The following MCTP1 variants were observed in gnomAD, a reference collection of about 807,000 sequenced individuals.
The protein encoded by MCTP1 is multiple C2 and transmembrane domain containing 1.
In MCTP1, 69 loss-of-function variants were observed where a neutral mutation model predicts 120.6. The ratio of observed to expected loss-of-function variants is 0.57; its 90% CI spans 0.47 to 0.70. The LOEUF is 0.70. MCTP1 is among the 30% of genes least tolerant of loss of function. The pLI is 0.00. For missense variants in MCTP1, 1,203 were observed against 1,248.8 expected (o/e 0.96, Z 0.55); for synonymous variants, 529 against 493.1 (o/e 1.07, Z -0.96).
intron 19 of MCTP1, among the ~76,000 whole-genome samples, chr5:94,733,869 CAGG>C (rs1763621222): frequency 6.6e-6 from 1 of 150,966 alleles, no homozygotes; most frequent in South Asian, 2.1e-4. Context: ...GAGGCTGAGG[CAGG>C]AGAATTGCTT....
intron 18 of MCTP1, among the ~76,000 whole-genome samples, chr5:94,796,594 CACATATATATA>C (rs1174235638): frequency 4.7e-5 from 6 of 128,062 alleles, no homozygotes; most frequent in African/African-American, 1.7e-4. Context: ...CACACACACA[CACATATATATA>C]ATATATATAA....
At chr5:95,097,563 G>A (rs1756366139) in intron 1 of MCTP1, among the ~76,000 whole-genome samples, 1 of 151,532 alleles carries the variant, frequency 6.6e-6, no homozygotes, top group African/African-American at 2.4e-5. Flanking sequence ...CACCTTCAAT[G>A]CACTGCAAGA....
chr5:94,959,959 C>T (rs946855415), intron 2 of MCTP1, among the ~76,000 whole-genome samples: 3 of 151,788 alleles, frequency 2.0e-5, no homozygotes, highest in Non-Finnish European at 4.4e-5. Flanking sequence ...CCTGTGTAGC[C>T]AAGACAATCC....
intron 3 of MCTP1, among the ~76,000 whole-genome samples, chr5:94,950,727 G>A (rs1399087700): frequency 2.0e-5 from 3 of 151,968 alleles, no homozygotes; most frequent in Admixed American, 6.6e-5. Flanking sequence ...GCCGAGGAGG[G>A]CAGATCACGA....
At chr5:95,042,393 T>G (rs1273208619) in intron 1 of MCTP1, among the ~76,000 whole-genome samples, 1 of 152,156 alleles carries the variant, frequency 6.6e-6, no homozygotes, top group Non-Finnish European at 1.5e-5. Context: ...CAGCGGAAGA[T>G]GCAGAAAGTT....
At chr5:95,198,017 T>C (rs1357501493) in intron 1 of MCTP1, among the ~76,000 whole-genome samples, 2 of 152,142 alleles carry the variant, frequency 1.3e-5, no homozygotes, top group East Asian at 3.9e-4. Flanking sequence ...ACGTGTTTAG[T>C]ACAGACACAA....
chr5:94,873,129 G>A lies in MCTP1; in HGVS notation c.2036+10C>T. The A allele has an allele frequency of 6.9e-7, 1 of 1,457,282 alleles. No individual in the cohort carries two copies. The highest frequency in any genetic ancestry group is 9.6e-7 in the Non-Finnish European group (1 of 1,040,012). The allele number at this position is 1,457,282 out of a possible 1,614,324, so 90.3% of individuals were successfully genotyped here. A position where few individuals can be genotyped will look rare whatever the true frequency, so the allele number is the denominator to read the frequency against. On this transcript the variant is annotated intron_variant, in intron 13 of 22. Coordinates refer to ENST00000515393, the MANE Select transcript of MCTP1 (RefSeq NM_024717.7). ...TTTTGGATTCAGAGCCCAAAGAAAT[G>A]CCTACTTACAACGTGAAGACTTTAT... is the stretch of plus-strand genomic sequence containing the variant.
chr5:94,910,922 G>A (rs1334157770), intron 9 of MCTP1, among the ~76,000 whole-genome samples: 13 of 151,978 alleles, frequency 8.6e-5, no homozygotes, highest in Admixed American at 8.5e-4. Context: ...GTATTTTGGG[G>A]TGTGGTCTGT....
intron 17 of MCTP1, among the ~76,000 whole-genome samples, chr5:94,845,813 A>C (rs1431209099): frequency 6.6e-6 from 1 of 152,136 alleles, no homozygotes; most frequent in East Asian, 1.9e-4. Flanking sequence ...TGGCCTTCCA[A>C]AGTGCTGGCA....
chr5:94,717,114 T>G lies in MCTP1; in HGVS notation c.2611-2228A>C, dbSNP rs375814708. Among the ~76,000 whole-genome samples, 56 of 152,192 alleles carry G rather than the reference T, an allele frequency of 3.7e-4. 2 individuals are homozygous for G. Among genetic ancestry groups the G allele is most frequent in the Admixed American group, 3.7e-3 (56 of 15,270 alleles). On this transcript the variant is annotated intron_variant, in intron 19 of 22. Coordinates refer to ENST00000515393, the MANE Select transcript of MCTP1 (RefSeq NM_024717.7). ...TAGATAGCCAAAATCTATCTTAATATGTGCCTCAAATAGCCCCAAATACAT... is the reference window on the plus strand; with the variant it reads ...TAGATAGCCAAAATCTATCTTAATAGGTGCCTCAAATAGCCCCAAATACAT...
chr5:94,938,994 AATT>A (rs1816886784), intron 5 of MCTP1, among the ~76,000 whole-genome samples: 1 of 152,124 alleles, frequency 6.6e-6, no homozygotes, highest in Admixed American at 6.6e-5. Flanking sequence ...ATTATCTGGC[AATT>A]CTTATTTAAA....
chr5:94,827,401 AT>A (rs1449474844), intron 17 of MCTP1, among the ~76,000 whole-genome samples: 1 of 151,778 alleles, frequency 6.6e-6, no homozygotes, highest in East Asian at 1.9e-4. Flanking sequence ...TGCCCTTAAC[AT>A]TTTTTCCTTC....
Position 94,917,970 on chromosome 5 carries a change from A to T in MCTP1, c.1276T>A (p.Cys426Ser). 6.2e-7 allele frequency: 1 copy of T among 1,613,748 alleles called. No homozygotes were observed. The highest frequency in any genetic ancestry group is 1.3e-5 in the African/African-American group (1 of 75,050). ...AGGACAGGAAGAGCTGGCCTGCCGC[A>T]CGTCTGGATGGAAATGAATGATCAG... is the stretch of plus-strand genomic sequence containing the variant. ...FSVKSLFWRT[C>S]GRPALPVLGF... Residue 426 changes from cysteine (C) to serine (S), a missense_variant, in exon 8 of 23, where the codon TGC (cysteine) becomes AGC (serine). Cys to Ser is a moderately radical substitution (Grantham distance 112). This residue lies in a region of MCTP1 where 740 missense variants were observed against 871.1 expected (regional missense o/e 0.85). Transcript: ENST00000515393.
intron 5 of MCTP1, among the ~76,000 whole-genome samples, chr5:94,933,943 C>A (rs980498427): frequency 6.6e-6 from 1 of 151,756 alleles, no homozygotes; most frequent in Non-Finnish European, 1.5e-5. Context: ...TCAGTGATTA[C>A]CCTAAGTATA....
chr5:95,111,121 A>G (rs1757417537), intron 1 of MCTP1, among the ~76,000 whole-genome samples: 1 of 152,226 alleles, frequency 6.6e-6, no homozygotes, highest in African/African-American at 2.4e-5. Flanking sequence ...GTTCTGACTA[A>G]CAATAAAGTT....
Position 94,752,631 on chromosome 5 carries a change from T to TA in MCTP1, c.2610+26478dup, listed in dbSNP as rs201463153. On this transcript the variant is annotated intron_variant, in intron 19 of 22. Transcript: ENST00000515393. Reference sequence around the variant, plus strand: ...TATTTTGAAAACTAGGATGTTTTTTTAAAAAAATCTACTCAAACTTACCTG... The same window carrying TA: ...TATTTTGAAAACTAGGATGTTTTTTTAAAAAAAATCTACTCAAACTTACCTG... 8.1e-3 allele frequency among the ~76,000 whole-genome samples: 1,229 copies of TA among 152,200 alleles called. 15 individuals are homozygous for TA. Among genetic ancestry groups the TA allele is most frequent in the African/African-American group, 0.027 (1,133 of 41,512 alleles).
intron 1 of MCTP1, among the ~76,000 whole-genome samples, chr5:95,210,146 A>G (rs1752161951): frequency 6.6e-6 from 1 of 152,140 alleles, no homozygotes; most frequent in African/African-American, 2.4e-5. Flanking sequence ...AAAAATGTAT[A>G]TTCTGTTGAT....
At chr5:94,849,998 C>A (rs153845) in intron 17 of MCTP1, among the ~76,000 whole-genome samples, 1 of 152,092 alleles carries the variant, frequency 6.6e-6, no homozygotes, top group African/African-American at 2.4e-5. Flanking sequence ...GCAAAGGATC[C>A]GAGATGGTAA....
At chr5:95,283,758 C>A in intron 1 of MCTP1, 98 bp downstream of exon 1, 1 of 959,514 alleles carries the variant, frequency 1.0e-6, no homozygotes, top group Non-Finnish European at 1.4e-6. Flanking sequence ...TCTCCTCCCG[C>A]CTCCCGGCCC....
Sources: gnomAD v4.1 joint callset for allele counts (sites outside exome capture counted in the v4.1 genomes callset) on GRCh38, gnomAD v4.1.1 for gene constraint, gnomAD v4.1.1 regional missense constraint, MANE v1.5 for transcripts, NCBI Gene and HGNC (gene_info 2026-07-23, HGNC 2026-07-21) for gene names.